CFAP263: variants seen among roughly 807,000 people sequenced by gnomAD.
CFAP263 encodes the protein cilia- and flagella-associated protein 263.
the CFAP263 span, chr16:58,262,416 T>C: frequency 6.2e-7 from 1 of 1,612,938 alleles, no homozygotes; most frequent in Non-Finnish European, 8.5e-7. Context: ...CTTCACGATG[T>C]TGATTTTCAG....
the CFAP263 span, among the ~76,000 whole-genome samples, chr16:58,268,649 G>T: frequency 6.6e-6 from 1 of 151,912 alleles, no homozygotes; most frequent in Non-Finnish European, 1.5e-5. Flanking sequence ...TCATTTTCTC[G>T]ATGGACAACC....
At chr16:58,264,529 T>C in the CFAP263 span, among the ~76,000 whole-genome samples, 3 of 152,166 alleles carry the variant, frequency 2.0e-5, no homozygotes, top group Admixed American at 1.3e-4. Context: ...TTGCCTGTGC[T>C]TGAATGGGGG....
At chr16:58,261,939 A>G in the CFAP263 span, among the ~76,000 whole-genome samples, 5 of 152,148 alleles carry the variant, frequency 3.3e-5, no homozygotes, top group Admixed American at 6.5e-5. Flanking sequence ...TGGGTTTTTC[A>G]TGTTAAAAAC....
At chr16:58,254,957 G>A in the CFAP263 span, among the ~76,000 whole-genome samples, 888 of 152,250 alleles carry the variant, frequency 5.8e-3, 4 homozygotes, top group South Asian at 8.5e-3. Context: ...CAGTATATTA[G>A]GGTTCTTGAG....
chr16:58,258,972 C>T, the CFAP263 span, among the ~76,000 whole-genome samples: 2 of 146,536 alleles, frequency 1.4e-5, no homozygotes, highest in East Asian at 2.0e-4. Context: ...AGCAAGACTC[C>T]GTCTCAGAAA....
chr16:58,259,316 A>T, the CFAP263 span, among the ~76,000 whole-genome samples: 1 of 152,142 alleles, frequency 6.6e-6, no homozygotes, highest in Non-Finnish European at 1.5e-5. Flanking sequence ...CAGTCCACCC[A>T]CCTTGGCCTC....
At chr16:58,269,577 G>C in the CFAP263 span, among the ~76,000 whole-genome samples, 2 of 152,206 alleles carry the variant, frequency 1.3e-5, no homozygotes. Context: ...ATTTAAAAGA[G>C]ATTATACAAT....
the CFAP263 span, chr16:58,250,217 A>C: frequency 1.6e-6 from 1 of 638,728 alleles, no homozygotes; most frequent in Non-Finnish European, 2.7e-6. Flanking sequence ...CCAAGCCCTC[A>C]CTGAGCACTG....
chr16:58,255,364 G>A, the CFAP263 span, among the ~76,000 whole-genome samples: 2 of 152,046 alleles, frequency 1.3e-5, no homozygotes, highest in Non-Finnish European at 2.9e-5. Context: ...CCAATTGGAT[G>A]GTGCCCACCC....
chr16:58,261,312 C>A, the CFAP263 span, among the ~76,000 whole-genome samples: 1 of 152,120 alleles, frequency 6.6e-6, no homozygotes, highest in Non-Finnish European at 1.5e-5. Context: ...AAAATTCTGC[C>A]GTGAGTGGTC....
the CFAP263 span, among the ~76,000 whole-genome samples, chr16:58,276,763 G>A: frequency 1.8e-4 from 27 of 152,366 alleles, no homozygotes; most frequent in African/African-American, 6.3e-4. Context: ...TTAAGTGACT[G>A]TGGGAGAATT....
the CFAP263 span, among the ~76,000 whole-genome samples, chr16:58,263,846 G>T: frequency 1.3e-5 from 2 of 152,140 alleles, no homozygotes; most frequent in Non-Finnish European, 2.9e-5. Flanking sequence ...GGGCGTGGTG[G>T]TGCACACCTG....
the CFAP263 span, among the ~76,000 whole-genome samples, chr16:58,276,281 G>A: frequency 1.3e-5 from 2 of 152,164 alleles, no homozygotes; most frequent in African/African-American, 2.4e-5. Context: ...TCAAAGAGTC[G>A]ATAAAACTGT....
chr16:58,253,723 A>G, the CFAP263 span, among the ~76,000 whole-genome samples: 1 of 152,196 alleles, frequency 6.6e-6, no homozygotes, highest in Non-Finnish European at 1.5e-5. Flanking sequence ...TAGCAGGTTC[A>G]CAGCCTTTCC....
the CFAP263 span, chr16:58,278,525 A>G: frequency 6.2e-7 from 1 of 1,614,232 alleles, no homozygotes; most frequent in South Asian, 1.1e-5. Context: ...CTCCGGAAGC[A>G]GCTGGCCGAG....
the CFAP263 span, among the ~76,000 whole-genome samples, chr16:58,252,330 G>C: frequency 1.3e-5 from 2 of 151,750 alleles, no homozygotes; most frequent in Admixed American, 6.6e-5. Context: ...AACAGAGTAA[G>C]ACCCTGTCTC....
chr16:58,278,750 G>C, the CFAP263 span: 1 of 988,052 alleles, frequency 1.0e-6, no homozygotes, highest in Non-Finnish European at 1.5e-6. Context: ...ATTTCTGGGA[G>C]AAACCTCAGC....
chr16:58,280,162 G>A, the CFAP263 span: 2 of 1,490,364 alleles, frequency 1.3e-6, no homozygotes, highest in Non-Finnish European at 9.1e-7. Flanking sequence ...AAAACAGCAT[G>A]GTGAATGCCT....
the CFAP263 span, among the ~76,000 whole-genome samples, chr16:58,253,014 C>A: frequency 6.6e-6 from 1 of 152,154 alleles, no homozygotes; most frequent in Non-Finnish European, 1.5e-5. Context: ...GTTTCTCTTT[C>A]AAGTGACTGT....
Sources: allele counts gnomAD v4.1 joint callset (sites outside exome capture counted in the v4.1 genomes callset), GRCh38; gene constraint gnomAD v4.1.1; transcripts MANE v1.5; gene names NCBI Gene and HGNC (gene_info 2026-07-23, HGNC 2026-07-21).